CACNA2D3: variants seen among roughly 807,000 people sequenced by gnomAD.
CACNA2D3 encodes calcium voltage-gated channel auxiliary subunit alpha2delta 3.
A neutral mutation model predicts 160.6 loss-of-function variants in CACNA2D3; 60 were observed. The observed-to-expected ratio is 0.37, with a 90% CI of 0.30 to 0.46. The LOEUF is 0.46. Ranked by LOEUF, CACNA2D3 falls within the 20% of genes least tolerant of loss-of-function variation. CACNA2D3 has a pLI of 1.00. For missense variants in CACNA2D3, 1,205 were observed against 1,365.0 expected, an observed-to-expected ratio of 0.88 and a Z score of 1.85; for synonymous variants, 558 against 492.9, an observed-to-expected ratio of 1.13 and a Z score of -1.75.
intron 27 of CACNA2D3, among the ~76,000 whole-genome samples, chr3:54,934,492 G>C (rs959281140): frequency 1.3e-5 from 2 of 152,106 alleles, no homozygotes; most frequent in African/African-American, 4.8e-5. Context: ...GAATATCAGC[G>C]GAGTTTGAAC....
chr3:54,924,697 G>T (rs767293144), intron 27 of CACNA2D3: 1 of 1,614,136 alleles, frequency 6.2e-7, no homozygotes, highest in East Asian at 2.2e-5. Context: ...TCCTTGAGAA[G>T]TAAAAGCCTC....
chr3:54,209,484 G>A (rs1214238394), intron 2 of CACNA2D3, among the ~76,000 whole-genome samples: 1 of 152,234 alleles, frequency 6.6e-6, no homozygotes, highest in Non-Finnish European at 1.5e-5. Context: ...TACCGATTCT[G>A]TACGGAGTGA....
chr3:54,767,613 A>G (rs892142764), intron 13 of CACNA2D3, among the ~76,000 whole-genome samples: 2 of 152,110 alleles, frequency 1.3e-5, no homozygotes, highest in Non-Finnish European at 2.9e-5. Context: ...CTCCCCACTA[A>G]GAGGAGCCAG....
intron 5 of CACNA2D3, among the ~76,000 whole-genome samples, chr3:54,510,441 G>GT (rs760311122): frequency 2.0e-5 from 3 of 152,192 alleles, no homozygotes; most frequent in African/African-American, 4.8e-5. Flanking sequence ...GTCCAGGGAA[G>GT]TTACCTGGGG....
chr3:54,516,065 G>A (rs1386619807), intron 5 of CACNA2D3, among the ~76,000 whole-genome samples: 1 of 152,208 alleles, frequency 6.6e-6, no homozygotes, highest in African/African-American at 2.4e-5. Flanking sequence ...TCAGGGACAT[G>A]TGTCATTGGG....
intron 4 of CACNA2D3, among the ~76,000 whole-genome samples, chr3:54,411,504 C>T (rs1331471076): frequency 6.6e-6 from 1 of 152,140 alleles, no homozygotes; most frequent in Admixed American, 6.5e-5. Context: ...GATTACAACT[C>T]ACTAAAGGCT....
In CACNA2D3 at chr3:54,704,022, G is replaced by C. The variant is rs1271978911; in HGVS notation, c.1168-48577G>C. On this transcript the variant is annotated intron_variant, in intron 11 of 37. Coordinates refer to ENST00000474759, the MANE Select transcript of CACNA2D3 (RefSeq NM_018398.3). ...TCTCTTTAATCTTGATCTTTGAAAA[G>C]CAAGTGGTTTTTCTTGTGCAAACAG... Among the ~76,000 whole-genome samples the C allele has an allele frequency of 3.9e-5, 6 of 152,176 alleles. No individual in the cohort carries two copies. In the East Asian group the frequency reaches 1.2e-3, roughly 29 times the overall value.
chr3:54,635,583 T>G (rs1356078050), intron 10 of CACNA2D3, among the ~76,000 whole-genome samples: 1 of 151,986 alleles, frequency 6.6e-6, no homozygotes, highest in African/African-American at 2.4e-5. Flanking sequence ...TACAGGAGCT[T>G]AAATGGGCTG....
chr3:54,434,441 C>G (rs1285173146), intron 4 of CACNA2D3, among the ~76,000 whole-genome samples: 1 of 152,232 alleles, frequency 6.6e-6, no homozygotes, highest in African/African-American at 2.4e-5. Context: ...CACTCCCAGT[C>G]CCCCACCAGT....
At chr3:54,316,150 C>T (rs951111547) in intron 2 of CACNA2D3, among the ~76,000 whole-genome samples, 5 of 152,002 alleles carry the variant, frequency 3.3e-5, no homozygotes, top group African/African-American at 7.3e-5. Context: ...TACTGTCATA[C>T]GTTGTGACAC....
chr3:54,768,277 A>T (rs945288690), intron 13 of CACNA2D3, among the ~76,000 whole-genome samples: 2 of 152,210 alleles, frequency 1.3e-5, no homozygotes, highest in African/African-American at 2.4e-5. Context: ...AGCACCACCA[A>T]TGAGAAGCAG....
intron 23 of CACNA2D3, among the ~76,000 whole-genome samples, chr3:54,886,055 C>T (rs537447911): frequency 2.0e-5 from 3 of 152,216 alleles, no homozygotes; most frequent in Admixed American, 6.5e-5. Flanking sequence ...ACCAAGCATC[C>T]CCTTCTAGGG....
Position 54,365,577 on chromosome 3 carries a change from T to C in CACNA2D3, c.322-21138T>C, listed in dbSNP as rs144389210. Among the ~76,000 whole-genome samples, 5 of 152,262 alleles carry C rather than the reference T, an allele frequency of 3.3e-5. No homozygotes were observed. The East Asian group carries it at 9.7e-4, about 29-fold the overall frequency. On this transcript the variant is annotated intron_variant, in intron 3 of 37. Transcript: ENST00000474759. ...AGAAACCCAGGTGGATAATACAGGC[T>C]ATCTGGCCGGTCACAGTGGCTCATA...
chr3:54,226,845 C>T (rs983543692), intron 2 of CACNA2D3, among the ~76,000 whole-genome samples: 19 of 152,154 alleles, frequency 1.2e-4, no homozygotes, highest in African/African-American at 4.6e-4. Flanking sequence ...GGCCTCTCAA[C>T]TTCTGGCTGC....
chr3:54,850,118 A>AGGG (rs1229257259), intron 17 of CACNA2D3, among the ~76,000 whole-genome samples: 3 of 152,200 alleles, frequency 2.0e-5, no homozygotes, highest in East Asian at 3.9e-4. Context: ...TCCTCCTCTA[A>AGGG]GGGCTTCTCA....
chr3:54,338,423 A>C (rs1242711272), intron 3 of CACNA2D3, among the ~76,000 whole-genome samples: 1 of 148,292 alleles, frequency 6.7e-6, no homozygotes, highest in South Asian at 2.1e-4. Context: ...AACAGCTTTC[A>C]GCTGTGTTTT....
At chr3:54,281,141 C>A (rs1702870489) in intron 2 of CACNA2D3, among the ~76,000 whole-genome samples, 1 of 152,052 alleles carries the variant, frequency 6.6e-6, no homozygotes, top group Admixed American at 6.6e-5. Context: ...GAGGACAGCA[C>A]CATGGGGAAG....
chr3:55,007,201 T>A (rs1030511925), intron 32 of CACNA2D3, among the ~76,000 whole-genome samples: 4 of 152,226 alleles, frequency 2.6e-5, no homozygotes, highest in Admixed American at 2.6e-4. Flanking sequence ...CCTTCTTTTA[T>A]AGAGTGAAGG....
chr3:54,972,339 G>A (rs1191882508), intron 29 of CACNA2D3, among the ~76,000 whole-genome samples: 2 of 152,100 alleles, frequency 1.3e-5, no homozygotes, highest in African/African-American at 2.4e-5. Context: ...TTAAATTTTG[G>A]TTCCAGGCAA....
Sources: allele counts gnomAD v4.1 joint callset (sites outside exome capture counted in the v4.1 genomes callset), GRCh38; gene constraint gnomAD v4.1.1; transcripts MANE v1.5; gene names NCBI Gene and HGNC (gene_info 2026-07-23, HGNC 2026-07-21).